The following DENND5A variants were observed in gnomAD, a reference collection of about 807,000 sequenced individuals.
DENND5A encodes the protein DENN domain-containing protein 5A.
A neutral mutation model predicts 140.3 loss-of-function variants in DENND5A; 64 were observed. That is an observed-to-expected ratio of 0.46 (90% CI 0.37 to 0.56). The LOEUF (loss-of-function observed/expected upper bound fraction) is 0.56, where lower values mean the gene tolerates loss of function less well. Among genes scored for constraint, DENND5A ranks in the 20% least tolerant of loss-of-function variants. DENND5A has a pLI of 0.00. For synonymous variants in DENND5A, 605 were observed against 607.7 expected (o/e 1.00, Z 0.07); for missense variants, 1,292 against 1,593.8 (o/e 0.81, Z 3.22).
At chr11:9,237,347 A>T (rs963928941) in intron 1 of DENND5A, among the ~76,000 whole-genome samples, 3 of 152,024 alleles carry the variant, frequency 2.0e-5, no homozygotes, top group Admixed American at 2.0e-4. Flanking sequence ...TCTTGAACCC[A>T]GGAGGCAGAG....
chr11:9,203,369 T>C (rs929902012), intron 4 of DENND5A, among the ~76,000 whole-genome samples: 1 of 152,210 alleles, frequency 6.6e-6, no homozygotes, highest in Admixed American at 6.5e-5. Flanking sequence ...GTCAGCTTCC[T>C]GTGACCATCA....
chr11:9,145,676 G>C lies in DENND5A; in HGVS notation c.2997C>G (p.Thr999=), dbSNP rs1847406040. ...MQIPRNVLEM[T]FECQNLGKLT... ...GGCCCCAAATAACACATACCTCGAA[G>C]GTCATCTCTAGCACATTCCTGGGAA... is the stretch of plus-strand genomic sequence containing the variant. The change falls in exon 17 of 23, where the codon ACC becomes ACG. Residue 999 remains threonine (T), a synonymous_variant. Coordinates refer to ENST00000328194, the MANE Select transcript of DENND5A (RefSeq NM_015213.4). 4 of 1,614,150 alleles carry C rather than the reference G, an allele frequency of 2.5e-6. No homozygotes were observed. Among genetic ancestry groups the C allele is most frequent in the Non-Finnish European group, 3.4e-6 (4 of 1,179,998 alleles).
At chr11:9,235,757 A>G (rs1398024400) in intron 1 of DENND5A, among the ~76,000 whole-genome samples, 3 of 152,182 alleles carry the variant, frequency 2.0e-5, no homozygotes, top group Non-Finnish European at 2.9e-5. Context: ...CTTACATGAA[A>G]CATCCAGAAT....
Position 9,142,039 on chromosome 11 carries a change from C to G in DENND5A, c.3581G>C (p.Arg1194Thr). The G allele has an allele frequency of 3.7e-6, 6 of 1,606,424 alleles. No individual in the cohort carries two copies. Among genetic ancestry groups the G allele is most frequent in the Non-Finnish European group, 5.1e-6 (6 of 1,176,532 alleles). ...EVVPEENWHT[R>T]ARNFCRFVTA... Reference sequence around the variant, plus strand: ...GACAAATCGGCAGAAGTTCCGGGCTCTTGTATGCCAGTTTTCCTCAGGGAC... The same window carrying G: ...GACAAATCGGCAGAAGTTCCGGGCTGTTGTATGCCAGTTTTCCTCAGGGAC... Residue 1194 changes from arginine to threonine, a missense_variant, in exon 22 of 23, where the codon AGA becomes ACA. Around this residue, in one of 4 missense-constraint regions of DENND5A, gnomAD observed 498 missense variants for 689.7 expected, o/e 0.72. Coordinates refer to ENST00000328194, the MANE Select transcript of DENND5A (RefSeq NM_015213.4).
Position 9,141,706 on chromosome 11 carries a change from A to T in DENND5A, c.3680+234T>A, listed in dbSNP as rs146637505. On this transcript the variant is annotated intron_variant, in intron 22 of 22. Coordinates refer to ENST00000328194, the MANE Select transcript of DENND5A (RefSeq NM_015213.4). The stretch of plus-strand genomic sequence containing the variant: ...TAAAAACAGAGTATAATCTTATAGG[A>T]CCATCATCCCATAAACAGTCCGTCA... 5.5e-3 allele frequency among the ~76,000 whole-genome samples: 839 copies of T among 152,372 alleles called. 5 individuals carry two copies. The highest frequency in any genetic ancestry group is 9.3e-3 in the Non-Finnish European group (634 of 68,038).
At chr11:9,149,931 A>C (rs1423422765) in intron 15 of DENND5A, 150 bp downstream of exon 15, 1 of 1,080,058 alleles carries the variant, frequency 9.3e-7, no homozygotes, top group African/African-American at 1.6e-5. Flanking sequence ...AAAAGGGAGA[A>C]GAGGAAATAC....
In DENND5A at chr11:9,169,949, C is replaced by T; in HGVS notation, c.2058G>A (p.Lys686=). Residue 686 remains lysine, a splice_region_variant and synonymous_variant, in exon 10 of 23, where the codon AAG becomes AAA. Coordinates refer to ENST00000328194, the MANE Select transcript of DENND5A (RefSeq NM_015213.4). ...GGGCAGGGGCATTCCTTTTCGTCCA[C>T]CTAACACAATCAGAACCAAAGCAGG... ...DVLSTGPASN[K]WTKRNAPAQW... The T allele has an allele frequency of 6.2e-7, 1 of 1,610,520 alleles. No individual in the cohort carries two copies. Among genetic ancestry groups the T allele is most frequent in the Non-Finnish European group, 8.5e-7 (1 of 1,176,836 alleles).
In DENND5A at chr11:9,202,900, C is replaced by T. The variant is rs957621372; in HGVS notation, c.949+760G>A. Among the ~76,000 whole-genome samples the T allele has an allele frequency of 9.8e-5, 15 of 152,304 alleles. 1 individual carries two copies. The highest frequency in any genetic ancestry group is 6.8e-3 in the Middle Eastern group (2 of 294). Reference sequence around the variant, plus strand: ...GAACTTCTCTTCCCCAAATACTATCCCTTTCCCTGTTTTATTTTTCTTTAT... The same window carrying T: ...GAACTTCTCTTCCCCAAATACTATCTCTTTCCCTGTTTTATTTTTCTTTAT... On this transcript the variant is annotated intron_variant, in intron 4 of 22. Transcript: ENST00000328194.
At chr11:9,239,039 C>G (rs1452537122) in intron 1 of DENND5A, among the ~76,000 whole-genome samples, 1 of 151,122 alleles carries the variant, frequency 6.6e-6, no homozygotes, top group African/African-American at 2.4e-5. Context: ...ACCATGTTGG[C>G]CAGGCTGGTC....
At chr11:9,249,714 A>AT (rs1851636832) in intron 1 of DENND5A, among the ~76,000 whole-genome samples, 1 of 151,902 alleles carries the variant, frequency 6.6e-6, no homozygotes, top group Non-Finnish European at 1.5e-5. Flanking sequence ...TGCCTGGCTA[A>AT]TTTTTGTGTA....
intron 1 of DENND5A, among the ~76,000 whole-genome samples, chr11:9,247,419 CT>C (rs1851525216): frequency 6.6e-6 from 1 of 152,026 alleles, no homozygotes; most frequent in South Asian, 2.1e-4. Context: ...TACAACAACT[CT>C]GAGACAAAGG....
At chr11:9,258,993 G>A (rs1852072999) in intron 1 of DENND5A, among the ~76,000 whole-genome samples, 1 of 152,058 alleles carries the variant, frequency 6.6e-6, no homozygotes, top group African/African-American at 2.4e-5. Context: ...GGGCGCAGTG[G>A]CTCACACCTG....
At chr11:9,227,367 C>T (rs999676819) in intron 1 of DENND5A, among the ~76,000 whole-genome samples, 8 of 152,020 alleles carry the variant, frequency 5.3e-5, no homozygotes, top group Admixed American at 5.3e-4. Flanking sequence ...ACTATCTATA[C>T]AACTCCATGT....
Position 9,203,911 on chromosome 11 carries a change from G to A in DENND5A, c.698C>T (p.Pro233Leu). ...CTCAAGGGGCAGTGGAGGGGGCTGA[G>A]GTGAAGTGACTGCCTGGTGGAGTTG... ...LEQLHQAVTS[P>L]QPPPLPLESY... is the part of the protein sequence containing the mutation. Residue 233 changes from proline (P) to leucine (L), a missense_variant, in exon 4 of 23, where the codon CCT becomes CTT. By Grantham distance (98) the Pro-to-Leu change is moderately conservative. Around this residue, in one of 4 missense-constraint regions of DENND5A, gnomAD observed 566 missense variants for 650.4 expected, o/e 0.87. Coordinates refer to ENST00000328194, the MANE Select transcript of DENND5A (RefSeq NM_015213.4). The A allele has an allele frequency of 6.2e-7, 1 of 1,614,142 alleles. No homozygotes were observed. The highest frequency in any genetic ancestry group is 1.3e-5 in the African/African-American group (1 of 75,040).
At chr11:9,236,298 G>A (rs928913471) in intron 1 of DENND5A, among the ~76,000 whole-genome samples, 4 of 151,722 alleles carry the variant, frequency 2.6e-5, no homozygotes, top group Admixed American at 6.6e-5. Context: ...TTGGGAGGCC[G>A]AGGCAGGCGT....
At chr11:9,219,109 A>G (rs1275205480) in intron 1 of DENND5A, among the ~76,000 whole-genome samples, 1 of 152,118 alleles carries the variant, frequency 6.6e-6, no homozygotes, top group Non-Finnish European at 1.5e-5. Flanking sequence ...ATAAAAGTAT[A>G]CCATAAAAAG....
At chr11:9,249,889 G>A (rs566875391) in intron 1 of DENND5A, among the ~76,000 whole-genome samples, 2 of 151,732 alleles carry the variant, frequency 1.3e-5, no homozygotes, top group African/African-American at 4.8e-5. Flanking sequence ...GTTGCACTAC[G>A]TTGCCCGGGC....
chr11:9,219,698 C>G (rs1850233621), intron 1 of DENND5A, among the ~76,000 whole-genome samples: 1 of 152,192 alleles, frequency 6.6e-6, no homozygotes, highest in Non-Finnish European at 1.5e-5. Flanking sequence ...GCCAACACCT[C>G]AAATAATCCA....
rs1848701742 is a variant in DENND5A at position 9,180,808 on chromosome 11, G to GC, written c.1413dup (p.Leu472AlafsTer19). On this transcript the variant is annotated frameshift_variant, in exon 6 of 23. Transcript: ENST00000328194. LOFTEE classifies it high-confidence loss of function. The stretch of plus-strand genomic sequence containing the variant: ...CCAGTTCTCTTGACCAAGGCTTGCA[G>GC]CCGGGCAATAGTTTCATTCTCCTTA... 6.2e-6 allele frequency: 10 copies of GC among 1,614,056 alleles called. No individual in the cohort carries two copies. Among genetic ancestry groups the GC allele is most frequent in the Non-Finnish European group, 8.5e-6 (10 of 1,180,038 alleles).
Sources: gnomAD v4.1 joint callset for allele counts (sites outside exome capture counted in the v4.1 genomes callset) on GRCh38, gnomAD v4.1.1 for gene constraint, gnomAD v4.1.1 regional missense constraint, MANE v1.5 for transcripts, NCBI Gene and HGNC (gene_info 2026-07-23, HGNC 2026-07-21) for gene names.